The following UTRN variants were observed in gnomAD, a reference collection of about 807,000 sequenced individuals.
UTRN encodes dystrophin-related protein 1.
In UTRN, 283 loss-of-function variants were observed where a neutral mutation model predicts 463.9. The ratio of observed to expected loss-of-function variants is 0.61; its 90% CI spans 0.55 to 0.67. The LOEUF is 0.67. Among genes scored for constraint, UTRN ranks in the 30% least tolerant of loss-of-function variants. UTRN has a pLI of 0.00. For synonymous variants in UTRN, 1,442 were observed against 1,431.5 expected (o/e 1.01, Z -0.17); for missense variants, 3,922 against 4,084.3 (o/e 0.96, Z 1.08).
chr6:144,448,677 A>G lies in UTRN; in HGVS notation c.1980A>G (p.Glu660=). ...TTTTGGAGACTGTTCGTGTAAGAGA[A>G]CAAGCAATTACAAAAAAATCTAAGC... ...KDLLETVRVR[E]QAITKKSKQE... The change falls in exon 17 of 75, where the codon GAA becomes GAG. Residue 660 remains glutamate (E), a synonymous_variant. Coordinates refer to ENST00000367545, the MANE Select transcript of UTRN (RefSeq NM_007124.3). 1.2e-6 allele frequency: 2 copies of G among 1,614,080 alleles called. No individual in the cohort carries two copies. The highest frequency in any genetic ancestry group is 1.7e-6 in the Non-Finnish European group (2 of 1,179,978).
At position 144,474,777 on chromosome 6, in the gene UTRN, A is replaced by G. The variant is rs377184318; in HGVS notation, c.3336+18A>G. The G allele has an allele frequency of 2.5e-6, 4 of 1,609,750 alleles. No homozygotes were observed. Among genetic ancestry groups the G allele is most frequent in the Admixed American group, 1.7e-5 (1 of 59,222 alleles). ...GCAAGGAGGTGAGTTTTTCAACTTT[A>G]CTACCTACGGTTTTCAGGAGATGTA... On this transcript the variant is annotated intron_variant, in intron 25 of 74. Coordinates refer to ENST00000367545, the MANE Select transcript of UTRN (RefSeq NM_007124.3).
intron 39 of UTRN, 24 bp from the exon 40 acceptor site, chr6:144,521,951 ATATAT>A: frequency 3.3e-6 from 4 of 1,207,060 alleles, no homozygotes; most frequent in Non-Finnish European, 2.1e-6. Flanking sequence ...ATATATATAT[ATATAT>A]TTTTTTTTTT....
In UTRN at chr6:144,523,733, CTAAA is replaced by C. The variant is rs1315734355; in HGVS notation, c.5906+548_5906+551del. Among the ~76,000 whole-genome samples, 7 of 152,248 alleles carry C rather than the reference CTAAA, an allele frequency of 4.6e-5. No homozygotes were observed. The South Asian group carries it at 1.0e-3, about 23-fold the overall frequency. ...TGGAAGCACTTCTAATTTTTAGTGTCTAAATAGTGTCCATTCTCTTTAAAAAAAC... is the reference window on the plus strand; with the variant it reads ...TGGAAGCACTTCTAATTTTTAGTGTCTAGTGTCCATTCTCTTTAAAAAAAC... On this transcript the variant is annotated intron_variant, in intron 41 of 74. Transcript: ENST00000367545.
intron 54 of UTRN, among the ~76,000 whole-genome samples, chr6:144,742,355 C>T (rs574529637): frequency 1.6e-4 from 24 of 152,236 alleles, no homozygotes; most frequent in African/African-American, 4.8e-4. Flanking sequence ...ATGGTCAGGG[C>T]CCTCTCAAAC....
At chr6:144,397,820 C>A (rs1782578800) in intron 2 of UTRN, 1 of 152,416 alleles carries the variant, frequency 6.6e-6, no homozygotes, top group South Asian at 2.1e-4. Flanking sequence ...GCTCCACAGT[C>A]AGTTAGACCT....
Position 144,619,835 on chromosome 6 carries a change from G to A in UTRN, c.7479+42547G>A, listed in dbSNP as rs571908014. Among the ~76,000 whole-genome samples, 7 of 152,270 alleles carry A rather than the reference G, an allele frequency of 4.6e-5. No homozygotes were observed. In the South Asian group the frequency reaches 1.2e-3, roughly 27 times the overall value. ...TTGAAAGTGAAATTTTGCGGATAAT[G>A]TTTCTATTGCAGTTGAGTTAGAAAT... On this transcript the variant is annotated intron_variant, in intron 51 of 74. Coordinates refer to ENST00000367545, the MANE Select transcript of UTRN (RefSeq NM_007124.3).
Position 144,458,842 on chromosome 6 carries a change from A to G in UTRN, c.2357A>G (p.His786Arg), listed in dbSNP as rs1789127117. 1 of 1,613,338 alleles carries G rather than the reference A, an allele frequency of 6.2e-7. No individual in the cohort carries two copies. The highest frequency in any genetic ancestry group is 1.1e-5 in the South Asian group (1 of 90,776). Residue 786 changes from histidine to arginine, a missense_variant, in exon 20 of 75, where the codon CAT (histidine) becomes CGT (arginine). This residue lies in a region of UTRN where 2,349 missense variants were observed against 2,303.8 expected (regional missense o/e 1.02). Coordinates refer to ENST00000367545, the MANE Select transcript of UTRN (RefSeq NM_007124.3). ...VSSEWKNVSQ[H>R]LEDLERKIQL... The stretch of plus-strand genomic sequence containing the variant: ...TCAGAATGGAAGAATGTATCTCAAC[A>G]TTTGGAAGATCTAGAAAGAAAGATT...
intron 53 of UTRN, among the ~76,000 whole-genome samples, chr6:144,726,056 C>T (rs917978542): frequency 6.6e-5 from 10 of 151,928 alleles, no homozygotes; most frequent in Admixed American, 5.2e-4. Flanking sequence ...TTCTGAAGCA[C>T]GGAGTTTAAT....
At chr6:144,793,703 A>T in intron 62 of UTRN, 131 bp from the exon 63 acceptor site, 1 of 1,069,904 alleles carries the variant, frequency 9.3e-7, no homozygotes, top group Non-Finnish European at 1.3e-6. Context: ...AATTCAGGAG[A>T]CAACGAATCA....
chr6:144,748,628 C>A, intron 55 of UTRN, 114 bp downstream of exon 55: 1 of 1,340,210 alleles, frequency 7.5e-7, no homozygotes, highest in Non-Finnish European at 9.9e-7. Context: ...AAAGCCAACG[C>A]CGCTGCAACC....
chr6:144,344,046 G>T, intron 2 of UTRN: 5 of 799,104 alleles, frequency 6.3e-6, no homozygotes, highest in Non-Finnish European at 8.3e-6. Context: ...GAGGAGGTGG[G>T]GTTAGGTTTA....
chr6:144,697,211 A>G (rs970350722), intron 52 of UTRN, among the ~76,000 whole-genome samples: 1 of 152,192 alleles, frequency 6.6e-6, no homozygotes, highest in Non-Finnish European at 1.5e-5. Context: ...AAAGTACTAA[A>G]GGAGTGAACT....
At chr6:144,443,834 C>G (rs1787401237) in intron 13 of UTRN, among the ~76,000 whole-genome samples, 1 of 151,594 alleles carries the variant, frequency 6.6e-6, no homozygotes, top group Non-Finnish European at 1.5e-5. Flanking sequence ...ATTTTGGTAC[C>G]ACAGATGAAA....
chr6:144,431,313 T>C (rs149157581), intron 9 of UTRN, among the ~76,000 whole-genome samples: 117 of 152,356 alleles, frequency 7.7e-4, no homozygotes, highest in African/African-American at 2.8e-3. Flanking sequence ...CAGCGTGGCA[T>C]GATAAGAACT....
intron 71 of UTRN, 156 bp from the exon 72 acceptor site, chr6:144,839,017 C>A (rs1002243753): frequency 2.7e-5 from 15 of 560,878 alleles, no homozygotes; most frequent in Non-Finnish European, 4.0e-5. Context: ...AAAGCCCCCA[C>A]CAAGCTGATG....
intron 34 of UTRN, among the ~76,000 whole-genome samples, chr6:144,504,501 G>T (rs936447977): frequency 2.0e-5 from 3 of 152,132 alleles, no homozygotes; most frequent in Non-Finnish European, 2.9e-5. Context: ...GATAATCGTG[G>T]TTTGTGTCAT....
chr6:144,477,541 C>T (rs995002076), intron 25 of UTRN, among the ~76,000 whole-genome samples: 8 of 149,688 alleles, frequency 5.3e-5, no homozygotes, highest in Non-Finnish European at 1.0e-4. Context: ...TATACACACA[C>T]ACACACACAC....
At chr6:144,596,132 G>C (rs1220518941) in intron 51 of UTRN, among the ~76,000 whole-genome samples, 1 of 152,154 alleles carries the variant, frequency 6.6e-6, no homozygotes, top group Non-Finnish European at 1.5e-5. Context: ...TCAGGAAGTT[G>C]CATGTGGTTG....
At chr6:144,344,946 T>G (rs2114639547) in intron 2 of UTRN, among the ~76,000 whole-genome samples, 2 of 152,336 alleles carry the variant, frequency 1.3e-5, no homozygotes, top group South Asian at 4.1e-4. Context: ...CTGATCAGTT[T>G]AGATGTTCAT....
Sources: allele counts gnomAD v4.1 joint callset (sites outside exome capture counted in the v4.1 genomes callset), GRCh38; gene constraint gnomAD v4.1.1; regional missense constraint gnomAD v4.1.1; transcripts MANE v1.5; gene names NCBI Gene and HGNC (gene_info 2026-07-23, HGNC 2026-07-21).